Variants in MAD2L1 observed in about 807,000 individuals in gnomAD.
MAD2L1 encodes mitotic spindle assembly checkpoint protein MAD2A.
In MAD2L1, 10 loss-of-function variants were observed where a neutral mutation model predicts 25.9. That is an observed-to-expected ratio of 0.39 (90% CI 0.24 to 0.66). The LOEUF (loss-of-function observed/expected upper bound fraction) is 0.66, where lower values mean the gene tolerates loss of function less well. Among genes scored for constraint, MAD2L1 ranks in the 30% least tolerant of loss-of-function variants. MAD2L1 has a pLI of 0.49. For missense variants in MAD2L1, 180 were observed against 246.4 expected (o/e 0.73, Z 1.80); for synonymous variants, 81 against 91.8 (o/e 0.88, Z 0.67).
At chr4:120,061,364 T>A (rs926206266) in intron 3 of MAD2L1, among the ~76,000 whole-genome samples, 1 of 152,210 alleles carries the variant, frequency 6.6e-6, no homozygotes, top group Non-Finnish European at 1.5e-5. Context: ...AATGCCTAAA[T>A]GTCTAATTTC....
chr4:120,064,966 A>T (rs899019374), intron 2 of MAD2L1, among the ~76,000 whole-genome samples: 2 of 152,188 alleles, frequency 1.3e-5, no homozygotes, highest in African/African-American at 4.8e-5. Context: ...TAGAAATGAG[A>T]ATCCTAAGTG....
Position 120,059,896 on chromosome 4 carries a change from CT to C in MAD2L1, c.*221del, listed in dbSNP as rs1726181025. ...TGTTGACAAAAAAACCTCCTGGTTC[CT>C]TTTGAACAATGTGCAATAAATTCAT... is the stretch of plus-strand genomic sequence containing the variant. On this transcript the variant is annotated 3_prime_UTR_variant, in exon 5 of 5. Coordinates refer to ENST00000296509, the MANE Select transcript of MAD2L1 (RefSeq NM_002358.4). 1 of 388,184 alleles carries C rather than the reference CT, an allele frequency of 2.6e-6. No homozygotes were observed. The highest frequency in any genetic ancestry group is 2.0e-5 in the African/African-American group (1 of 49,308). 24.0% of individuals were successfully genotyped at this position (388,184 alleles called of 1,614,324 possible).
chr4:120,062,071 T>C lies in MAD2L1; in HGVS notation c.245A>G (p.Gln82Arg), dbSNP rs557538317. 2.5e-6 allele frequency: 4 copies of C among 1,611,998 alleles called. No homozygotes were observed. In the South Asian group the frequency reaches 3.3e-5, roughly 13 times the overall value. Residue 82 changes from glutamine to arginine, a missense_variant, in exon 3 of 5, where the codon CAG (glutamine) becomes CGG (arginine). Transcript: ENST00000296509. Reference protein sequence around the residue: ...LKDWLYKCSVQKLVVVISNIE... With the variant: ...LKDWLYKCSVRKLVVVISNIE... Reference sequence around the variant, plus strand: ...ATTTGAGATAACTACAACCAGTTTCTGAACTGAACACTTGTATAACCAATC... The same window carrying C: ...ATTTGAGATAACTACAACCAGTTTCCGAACTGAACACTTGTATAACCAATC...
At chr4:120,064,823 CAAT>C (rs1003957995) in intron 2 of MAD2L1, among the ~76,000 whole-genome samples, 115 of 151,154 alleles carry the variant, frequency 7.6e-4, no homozygotes, top group Non-Finnish European at 1.3e-4. Context: ...AGTAAAAATG[CAAT>C]AAAAACGGTA....
chr4:120,063,929 T>C (rs1023385421), intron 2 of MAD2L1, among the ~76,000 whole-genome samples: 2 of 152,064 alleles, frequency 1.3e-5, no homozygotes, highest in African/African-American at 4.8e-5. Context: ...GGGGCAGAGG[T>C]TGCAGTGAGC....
intron 3 of MAD2L1, 199 bp from the exon 4 acceptor site, chr4:120,061,176 T>C: frequency 2.4e-6 from 1 of 423,060 alleles, no homozygotes; most frequent in Non-Finnish European, 4.3e-6. Flanking sequence ...TTCATCCTTA[T>C]TACTTCATTT....
chr4:120,066,621 A>G, intron 1 of MAD2L1, 41 bp downstream of exon 1: 1 of 1,568,078 alleles, frequency 6.4e-7, no homozygotes, highest in Non-Finnish European at 8.7e-7. Context: ...AGCCGTCACG[A>G]CTCCGTTCCC....
intron 1 of MAD2L1, 93 bp downstream of exon 1, chr4:120,066,569 G>C: frequency 8.4e-7 from 1 of 1,186,614 alleles, no homozygotes; most frequent in Non-Finnish European, 1.2e-6. Context: ...CCTCTCCCCA[G>C]ATTACTTCTC....
chr4:120,065,733 C>G lies in MAD2L1; in HGVS notation c.159G>C (p.Leu53Phe). The G allele has an allele frequency of 6.2e-7, 1 of 1,613,788 alleles. No homozygotes were observed. The highest frequency in any genetic ancestry group is 8.5e-7 in the Non-Finnish European group (1 of 1,179,808). ...FTRVQKYGLT[L>F]LVTTDLELIK... The stretch of plus-strand genomic sequence containing the variant: ...TGAGCTCAAGATCAGTAGTTACAAG[C>G]AAGGTGAGTCCGTATTTCTGCACTC... Residue 53 changes from leucine (L) to phenylalanine (F), a missense_variant, in exon 2 of 5, where the codon TTG becomes TTC. Coordinates refer to ENST00000296509, the MANE Select transcript of MAD2L1 (RefSeq NM_002358.4).
At chr4:120,064,746 G>T (rs1474119096) in intron 2 of MAD2L1, among the ~76,000 whole-genome samples, 5 of 152,106 alleles carry the variant, frequency 3.3e-5, no homozygotes, top group Non-Finnish European at 5.9e-5. Context: ...AGTATAGCTT[G>T]AAAGAGAGTT....
chr4:120,064,580 A>C (rs748158730), intron 2 of MAD2L1, among the ~76,000 whole-genome samples: 4 of 152,032 alleles, frequency 2.6e-5, no homozygotes, highest in Non-Finnish European at 4.4e-5. Flanking sequence ...CAAAGCAAAG[A>C]AAAGCACCCA....
Position 120,059,857 on chromosome 4 carries a change from AAT to A in MAD2L1, c.*259_*260del, listed in dbSNP as rs1726180402. 3.4e-6 allele frequency: 1 copy of A among 292,392 alleles called. No homozygotes were observed. 18.1% of individuals were successfully genotyped at this position (292,392 alleles called of 1,614,324 possible). A position where few individuals can be genotyped will look rare whatever the true frequency, so the allele number is the denominator to read the frequency against. On this transcript the variant is annotated 3_prime_UTR_variant, in exon 5 of 5. Coordinates refer to ENST00000296509, the MANE Select transcript of MAD2L1 (RefSeq NM_002358.4). ...CATCTACAGTTACTATCTTCAAAGG[AAT>A]ATACATCACAATGTTGACAAAAAAA...
At chr4:120,065,889 A>C (rs1726307266) in intron 1 of MAD2L1, 71 bp from the exon 2 acceptor site, 1 of 1,491,160 alleles carries the variant, frequency 6.7e-7, no homozygotes, top group African/African-American at 1.4e-5. Context: ...ATATATTTAG[A>C]TGTTGCTATA....
At chr4:120,065,621 A>C (rs1009190894) in intron 2 of MAD2L1, 51 bp downstream of exon 2, 3 of 1,583,676 alleles carry the variant, frequency 1.9e-6, no homozygotes, top group Middle Eastern at 2.0e-4. Flanking sequence ...ATGACTGCTT[A>C]AGATGCTAGA....
At chr4:120,065,161 A>AAAAC (rs1190732198) in intron 2 of MAD2L1, among the ~76,000 whole-genome samples, 1 of 152,252 alleles carries the variant, frequency 6.6e-6, no homozygotes. Flanking sequence ...AAATACGTGA[A>AAAAC]AAACAAACAA....
Position 120,059,339 on chromosome 4 carries a change from C to T in MAD2L1, c.*779G>A, listed in dbSNP as rs945735953. The T allele has an allele frequency of 6.6e-6, 1 of 152,104 alleles. No individual in the cohort carries two copies. Among genetic ancestry groups the T allele is most frequent in the Non-Finnish European group, 1.5e-5 (1 of 67,988 alleles). The allele number at this position is 152,104 out of a possible 1,614,324, so 9.4% of individuals were successfully genotyped here. A position where few individuals can be genotyped will look rare whatever the true frequency, so the allele number is the denominator to read the frequency against. ...TTTGGACCCTTAAGTTCTATAACTTCGTAGGAACAAGAATTCATTAGCTAT... is the reference window on the plus strand; with the variant it reads ...TTTGGACCCTTAAGTTCTATAACTTTGTAGGAACAAGAATTCATTAGCTAT... On this transcript the variant is annotated 3_prime_UTR_variant, in exon 5 of 5. Coordinates refer to ENST00000296509, the MANE Select transcript of MAD2L1 (RefSeq NM_002358.4).
In MAD2L1 at chr4:120,065,697, T is replaced by C. The variant is rs1406896510; in HGVS notation, c.195A>G (p.Leu65=). The C allele has an allele frequency of 1.9e-6, 3 of 1,613,536 alleles. No individual in the cohort carries two copies. The highest frequency in any genetic ancestry group is 2.5e-6 in the Non-Finnish European group (3 of 1,179,880). The change falls in exon 2 of 5, where the codon CTA becomes CTG. Residue 65 remains leucine (L), a synonymous_variant. Transcript: ENST00000296509. The part of the protein sequence containing the change: ...VTTDLELIKY[L]NNVVEQLKDW... ...CTTTCAGTTGTTCCACCACATTATTTAGGTATTTTATGAGCTCAAGATCAG... is the reference window on the plus strand; with the variant it reads ...CTTTCAGTTGTTCCACCACATTATTCAGGTATTTTATGAGCTCAAGATCAG...
rs570530477 is a variant in MAD2L1 at position 120,061,022 on chromosome 4, C to T, written c.342-45G>A. ...TCAATTAATTCATTTCAGGTCTTAA[C>T]AAATTATTTCAAACATAGTGGTTAG... On this transcript the variant is annotated intron_variant, in intron 3 of 4. Coordinates refer to ENST00000296509, the MANE Select transcript of MAD2L1 (RefSeq NM_002358.4). 102 of 1,089,030 alleles carry T rather than the reference C, an allele frequency of 9.4e-5. 1 individual carries two copies. The South Asian group carries it at 1.2e-3, about 13-fold the overall frequency. 67.5% of individuals were successfully genotyped at this position (1,089,030 alleles called of 1,614,324 possible). A position where few individuals can be genotyped will look rare whatever the true frequency, so the allele number is the denominator to read the frequency against.
In MAD2L1 at chr4:120,058,601, C is replaced by A. The variant is rs1336870807; in HGVS notation, c.*1517G>T. 3 of 152,208 alleles carry A rather than the reference C, an allele frequency of 2.0e-5. No homozygotes were observed. The highest frequency in any genetic ancestry group is 6.5e-5 in the Admixed American group (1 of 15,276). 9.4% of individuals were successfully genotyped at this position (152,208 alleles called of 1,614,324 possible). A position where few individuals can be genotyped will look rare whatever the true frequency, so the allele number is the denominator to read the frequency against. On this transcript the variant is annotated 3_prime_UTR_variant, in exon 5 of 5. Transcript: ENST00000296509. ...GCTGAGCTGCGTCACTGTACTCCAG[C>A]CTGGGCGACAGAATAAGACTCCATC...
Sources: allele counts gnomAD v4.1 joint callset (sites outside exome capture counted in the v4.1 genomes callset), GRCh38; gene constraint gnomAD v4.1.1; transcripts MANE v1.5; gene names NCBI Gene and HGNC (gene_info 2026-07-23, HGNC 2026-07-21).